Variants in ARHGEF28 observed in about 807,000 individuals in gnomAD.
ARHGEF28 encodes 190 kDa guanine nucleotide exchange factor.
ARHGEF28 carries 152 observed loss-of-function variants against 206.6 expected under a neutral mutation model. That is an observed-to-expected ratio of 0.74 (90% confidence interval 0.64 to 0.84). The LOEUF is 0.84. ARHGEF28 is among the 40% of genes least tolerant of loss of function. The probability of loss-of-function intolerance (pLI) is 0.00; values close to 1 mark genes in which losing one functional copy is unlikely to be tolerated. For missense variants in ARHGEF28, 2,028 were observed against 2,073.2 expected, an observed-to-expected ratio of 0.98 and a Z score of 0.42; for synonymous variants, 763 against 776.4, an observed-to-expected ratio of 0.98 and a Z score of 0.29.
intron 35 of ARHGEF28, among the ~76,000 whole-genome samples, chr5:73,937,621 T>G (rs1764492390): frequency 6.6e-6 from 1 of 152,216 alleles, no homozygotes; most frequent in African/African-American, 2.4e-5. Flanking sequence ...ATTGTATTGC[T>G]ATTTCCTTGC....
At chr5:73,677,268 A>G (rs985147386) in intron 1 of ARHGEF28, among the ~76,000 whole-genome samples, 5 of 152,202 alleles carry the variant, frequency 3.3e-5, no homozygotes, top group African/African-American at 1.2e-4. Context: ...AATGGCAGGG[A>G]CTTGGAAAGG....
In ARHGEF28 at chr5:73,840,514, A is replaced by G. The variant is rs1249425728; in HGVS notation, c.1181A>G (p.Glu394Gly). The change falls in exon 11 of 36, where the codon GAG (glutamate) becomes GGG (glycine). Residue 394 changes from glutamate (E) to glycine (G), a missense_variant. Glu to Gly is a moderately conservative substitution (Grantham distance 98, BLOSUM62 -2). Transcript: ENST00000513042. ...GDLDISYINI[E>G]GITATTSPES... ...TTGGATATCAGCTATATTAATATAGAGGGAATCACTGCCACTACCAGCCCT... is the reference window on the plus strand; with the variant it reads ...TTGGATATCAGCTATATTAATATAGGGGGAATCACTGCCACTACCAGCCCT... 6.2e-7 allele frequency: 1 copy of G among 1,613,796 alleles called. No individual in the cohort carries two copies. The highest frequency in any genetic ancestry group is 1.3e-5 in the African/African-American group (1 of 74,914).
At chr5:73,894,755 T>C (rs1294171189) in intron 29 of ARHGEF28, among the ~76,000 whole-genome samples, 180 bp downstream of exon 29, 2 of 152,172 alleles carry the variant, frequency 1.3e-5, no homozygotes, top group African/African-American at 4.8e-5. Flanking sequence ...ATATGTCAGG[T>C]TGTATCAAGT....
At chr5:73,673,568 C>G (rs959439518) in intron 1 of ARHGEF28, among the ~76,000 whole-genome samples, 2 of 152,030 alleles carry the variant, frequency 1.3e-5, no homozygotes, top group Non-Finnish European at 2.9e-5. Flanking sequence ...CCTCCTGGCC[C>G]CAATTACCAG....
intron 1 of ARHGEF28, among the ~76,000 whole-genome samples, chr5:73,641,917 A>G (rs748484894): frequency 6.6e-6 from 1 of 152,186 alleles, no homozygotes; most frequent in Non-Finnish European, 1.5e-5. Flanking sequence ...GCCTCATGCT[A>G]CTACCTCGAA....
At chr5:73,684,090 C>A (rs1277026203) in intron 1 of ARHGEF28, among the ~76,000 whole-genome samples, 1 of 151,868 alleles carries the variant, frequency 6.6e-6, no homozygotes, top group African/African-American at 2.4e-5. Context: ...GAAGGTTTAC[C>A]ATTTGAACCA....
chr5:73,848,771 C>T (rs1451065249), intron 12 of ARHGEF28, among the ~76,000 whole-genome samples: 1 of 151,996 alleles, frequency 6.6e-6, no homozygotes. Flanking sequence ...AACTATTCCC[C>T]AAGCTGAAGG....
chr5:73,715,445 C>A (rs1330755232), intron 2 of ARHGEF28, among the ~76,000 whole-genome samples: 1 of 152,112 alleles, frequency 6.6e-6, no homozygotes, highest in African/African-American at 2.4e-5. Flanking sequence ...ATGTCCACTT[C>A]CGTATTATAA....
At chr5:73,703,468 G>A (rs546332520) in intron 2 of ARHGEF28, among the ~76,000 whole-genome samples, 138 of 152,216 alleles carry the variant, frequency 9.1e-4, no homozygotes, top group African/African-American at 3.1e-3. Context: ...CAGGAGTCCC[G>A]AGGAAGAGGA....
rs770369546 is a variant in ARHGEF28 at position 73,894,529 on chromosome 5, C to T, written c.3795C>T (p.Gly1265=). ...EPHLLIKPDP[G]EPPQAASLLA... ...ACCTCCTTATTAAACCTGACCCAGG[C>T]GAGCCTCCCCAGGCAGCCTCATTAC... The change falls in exon 29 of 36, where the codon GGC becomes GGT. Residue 1265 remains glycine (G), a synonymous_variant. Coordinates refer to ENST00000513042, the MANE Select transcript of ARHGEF28 (RefSeq NM_001177693.2). 21 of 1,613,754 alleles carry T rather than the reference C, an allele frequency of 1.3e-5. No individual in the cohort carries two copies. Among genetic ancestry groups the T allele is most frequent in the Middle Eastern group, 1.6e-4 (1 of 6,084 alleles).
rs749357871 is a variant in ARHGEF28, at chr5:73,773,980, A to G, written c.601A>G (p.Thr201Ala). Residue 201 changes from threonine (T) to alanine (A), a missense_variant, in exon 5 of 36, where the codon ACA becomes GCA. Coordinates refer to ENST00000513042, the MANE Select transcript of ARHGEF28 (RefSeq NM_001177693.2). ...GGCTTTACCCAACGAAGAGGGTGCC[A>G]CACCATTAGACTTAGCTTTACGTGA... ...ALALPNEEGA[T>A]PLDLALREGH... The G allele has an allele frequency of 1.2e-6, 2 of 1,606,728 alleles. No individual in the cohort carries two copies. Among genetic ancestry groups the G allele is most frequent in the South Asian group, 1.1e-5 (1 of 89,136 alleles).
At chr5:73,826,946 T>C (rs1023597296) in intron 9 of ARHGEF28, among the ~76,000 whole-genome samples, 2 of 152,184 alleles carry the variant, frequency 1.3e-5, no homozygotes, top group African/African-American at 2.4e-5. Flanking sequence ...AGTTGCTGTT[T>C]ATCCTCCAGG....
rs1170176051 is a variant in ARHGEF28 at position 73,846,485 on chromosome 5, T to C, written c.1635+10T>C. 3.1e-6 allele frequency: 5 copies of C among 1,609,858 alleles called. No homozygotes were observed. The highest frequency in any genetic ancestry group is 1.7e-6 in the Non-Finnish European group (2 of 1,176,342). Reference sequence around the variant, plus strand: ...TAATCTACAGTCGAAGGTATTCTTATTGCTATTAATTTGGTATATTGCAAG... The same window carrying C: ...TAATCTACAGTCGAAGGTATTCTTACTGCTATTAATTTGGTATATTGCAAG... On this transcript the variant is annotated intron_variant, in intron 12 of 35. Transcript: ENST00000513042.
chr5:73,846,186 A>C, intron 11 of ARHGEF28, 82 bp from the exon 12 acceptor site: 1 of 1,345,564 alleles, frequency 7.4e-7, no homozygotes, highest in South Asian at 1.3e-5. Flanking sequence ...CAGTGAAAGA[A>C]TCTGGATTCA....
At chr5:73,866,395 A>G (rs1759709259) in intron 18 of ARHGEF28, among the ~76,000 whole-genome samples, 1 of 152,282 alleles carries the variant, frequency 6.6e-6, no homozygotes, top group Admixed American at 6.5e-5. Flanking sequence ...GTAGCGTAGT[A>G]TAGCAATATT....
At chr5:73,655,705 G>T (rs1186477325) in intron 1 of ARHGEF28, among the ~76,000 whole-genome samples, 1 of 152,176 alleles carries the variant, frequency 6.6e-6, no homozygotes, top group African/African-American at 2.4e-5. Flanking sequence ...CAGCAGGGTT[G>T]GGCTGGTCCA....
intron 16 of ARHGEF28, among the ~76,000 whole-genome samples, chr5:73,861,872 A>G (rs1759425679): frequency 6.6e-6 from 1 of 151,610 alleles, no homozygotes; most frequent in Non-Finnish European, 1.5e-5. Context: ...TGGCGGGGGG[A>G]GAGGGTGGTT....
chr5:73,880,320 T>A (rs1012128209), intron 22 of ARHGEF28, among the ~76,000 whole-genome samples: 1 of 152,188 alleles, frequency 6.6e-6, no homozygotes, highest in Non-Finnish European at 1.5e-5. Context: ...ATTTTCCAGG[T>A]GCCGTCTGTC....
At chr5:73,790,567 C>G (rs1754420988) in intron 7 of ARHGEF28, among the ~76,000 whole-genome samples, 1 of 151,868 alleles carries the variant, frequency 6.6e-6, no homozygotes, top group Admixed American at 6.6e-5. Flanking sequence ...GGCTCTCACT[C>G]ACTGATAAGT....
Sources: allele counts gnomAD v4.1 joint callset (sites outside exome capture counted in the v4.1 genomes callset), GRCh38; gene constraint gnomAD v4.1.1; transcripts MANE v1.5; gene names NCBI Gene and HGNC (gene_info 2026-07-23, HGNC 2026-07-21).